The following MYO3A variants were observed in gnomAD, a reference collection of about 807,000 sequenced individuals.
The protein encoded by MYO3A is myosin IIIA.
Under a neutral mutation model 192.7 loss-of-function variants are expected in MYO3A, and 180 were observed. That is an observed-to-expected ratio of 0.93 (90% CI 0.83 to 1.06). The LOEUF (loss-of-function observed/expected upper bound fraction) is 1.06. Among genes scored for constraint, MYO3A ranks in the 50% least tolerant of loss-of-function variants. The pLI, the probability that MYO3A is intolerant of heterozygous loss-of-function variation, is 0.00. For synonymous variants in MYO3A, 628 were observed against 645.3 expected (o/e 0.97, Z 0.41); for missense variants, 1,896 against 1,905.0 (o/e 1.00, Z 0.09).
At chr10:25,947,389 CTTTTT>C (rs869281200) in intron 2 of MYO3A, among the ~76,000 whole-genome samples, 1 of 91,856 alleles carries the variant, frequency 1.1e-5, no homozygotes, top group East Asian at 3.3e-4. Flanking sequence ...TTTTCTTTTT[CTTTTT>C]TTTTTTTTTT....
At chr10:26,201,521 A>C (rs1184933672) in intron 33 of MYO3A, among the ~76,000 whole-genome samples, 1 of 151,134 alleles carries the variant, frequency 6.6e-6, no homozygotes, top group Non-Finnish European at 1.5e-5. Flanking sequence ...TCTACTAAAA[A>C]TACAAAAAAA....
chr10:26,059,956 T>C (rs1189966917), intron 10 of MYO3A, among the ~76,000 whole-genome samples: 1 of 152,166 alleles, frequency 6.6e-6, no homozygotes, highest in East Asian at 1.9e-4. Context: ...ACCTCATCTC[T>C]ACTAAAAATA....
At chr10:26,093,945 T>C (rs1266043518) in intron 15 of MYO3A, among the ~76,000 whole-genome samples, 1 of 152,218 alleles carries the variant, frequency 6.6e-6, no homozygotes, top group African/African-American at 2.4e-5. Context: ...CGACTCTCTC[T>C]TCACTCAGGG....
intron 10 of MYO3A, among the ~76,000 whole-genome samples, chr10:26,059,941 G>C (rs539013327): frequency 1.8e-4 from 28 of 152,286 alleles, no homozygotes; most frequent in African/African-American, 6.7e-4. Context: ...GGCCAAAGTG[G>C]TGAAACCTCA....
chr10:26,198,483 C>G (rs1243076417), intron 32 of MYO3A, among the ~76,000 whole-genome samples: 1 of 152,198 alleles, frequency 6.6e-6, no homozygotes, highest in East Asian at 1.9e-4. Flanking sequence ...CTTTCCAGTA[C>G]TTTCCCTGAA....
intron 27 of MYO3A, among the ~76,000 whole-genome samples, chr10:26,166,414 C>A (rs1327201965): frequency 6.6e-6 from 1 of 152,128 alleles, no homozygotes; most frequent in Non-Finnish European, 1.5e-5. Flanking sequence ...AGGTAGCTGA[C>A]ACCTCTAATC....
At chr10:26,107,254 G>A (rs950693430) in intron 17 of MYO3A, among the ~76,000 whole-genome samples, 1 of 152,070 alleles carries the variant, frequency 6.6e-6, no homozygotes, top group African/African-American at 2.4e-5. Flanking sequence ...GGCCGAGGCG[G>A]GTGGATCACG....
intron 2 of MYO3A, among the ~76,000 whole-genome samples, chr10:25,942,332 T>G (rs1298352618): frequency 6.6e-6 from 1 of 152,196 alleles, no homozygotes; most frequent in African/African-American, 2.4e-5. Context: ...ATACAGCATT[T>G]TGTTATCCAT....
At chr10:26,084,611 C>T (rs757751167) in intron 14 of MYO3A, among the ~76,000 whole-genome samples, 11 of 152,280 alleles carry the variant, frequency 7.2e-5, no homozygotes, top group Middle Eastern at 3.4e-3. Context: ...TCAAGCGACC[C>T]TTCTGCTTCA....
At chr10:25,994,606 G>A (rs143755176) in intron 4 of MYO3A, among the ~76,000 whole-genome samples, 14,482 of 152,094 alleles carry the variant, frequency 0.095, 1,221 homozygotes, top group African/African-American at 0.22. Context: ...TCCTAGCATC[G>A]ATGGTCTTTA....
At chr10:26,086,692 C>T (rs1009934785) in intron 14 of MYO3A, among the ~76,000 whole-genome samples, 1 of 152,146 alleles carries the variant, frequency 6.6e-6, no homozygotes, top group Non-Finnish European at 1.5e-5. Context: ...GCCCATCAAC[C>T]ACCCTCTCCT....
intron 10 of MYO3A, among the ~76,000 whole-genome samples, chr10:26,057,718 C>CTAT (rs1834196405): frequency 6.6e-6 from 1 of 152,196 alleles, no homozygotes; most frequent in Non-Finnish European, 1.5e-5. Flanking sequence ...GAAGAGAAGT[C>CTAT]AATGGCTAAT....
chr10:26,038,538 G>A (rs1856603), intron 10 of MYO3A, among the ~76,000 whole-genome samples: 47,327 of 151,988 alleles, frequency 0.31, 7,637 homozygotes, highest in Middle Eastern at 0.44. Flanking sequence ...ATTTTTGTAC[G>A]CTGATTTTGC....
intron 20 of MYO3A, among the ~76,000 whole-genome samples, chr10:26,135,335 G>C (rs61284099): frequency 0.097 from 14,754 of 151,582 alleles, 790 homozygotes; most frequent in Non-Finnish European, 0.12. Flanking sequence ...TAATCTATTA[G>C]ATTATTAGGT....
At chr10:26,060,475 CAA>C (rs1834396487) in intron 10 of MYO3A, among the ~76,000 whole-genome samples, 1 of 151,574 alleles carries the variant, frequency 6.6e-6, no homozygotes, top group Non-Finnish European at 1.5e-5. Context: ...CTCAAACAAA[CAA>C]ACAAACAAAC....
At chr10:26,194,092 C>T (rs1843284556) in intron 32 of MYO3A, among the ~76,000 whole-genome samples, 1 of 152,186 alleles carries the variant, frequency 6.6e-6, no homozygotes, top group South Asian at 2.1e-4. Context: ...CAAAAGCTCA[C>T]TCCAACTCAT....
intron 9 of MYO3A, among the ~76,000 whole-genome samples, chr10:26,025,458 A>C (rs1391949799): frequency 6.6e-6 from 1 of 152,152 alleles, no homozygotes; most frequent in Non-Finnish European, 1.5e-5. Context: ...AATCCTTCTC[A>C]AACATGTGCA....
intron 4 of MYO3A, among the ~76,000 whole-genome samples, chr10:25,991,090 T>C (rs1223658560): frequency 6.6e-6 from 1 of 152,222 alleles, no homozygotes; most frequent in Admixed American, 6.5e-5. Context: ...ATCACCACAC[T>C]ATCTTCCACA....
intron 2 of MYO3A, among the ~76,000 whole-genome samples, chr10:25,940,694 T>A (rs567508070): frequency 6.6e-6 from 1 of 152,294 alleles, no homozygotes; most frequent in Admixed American, 6.5e-5. Context: ...GATACTTTTA[T>A]GGGTACTTTT....
Sources: allele counts gnomAD v4.1 joint callset (sites outside exome capture counted in the v4.1 genomes callset), GRCh38; gene constraint gnomAD v4.1.1; transcripts MANE v1.5; gene names NCBI Gene and HGNC (gene_info 2026-07-23, HGNC 2026-07-21).